Variants in FREM3 observed in about 807,000 individuals in gnomAD.
The protein encoded by FREM3 is FRAS1 related extracellular matrix 3, also known as FRAS1-related extracellular matrix protein 3.
FREM3 carries 105 observed loss-of-function variants against 129.1 expected under a neutral mutation model. The ratio of observed to expected loss-of-function variants is 0.81; its 90% CI spans 0.69 to 0.96. The LOEUF is 0.96. Ranked by LOEUF, FREM3 falls within the 40% of genes least tolerant of loss-of-function variation. The pLI, the probability that FREM3 is intolerant of heterozygous loss-of-function variation, is 0.00. For missense variants in FREM3, 2,593 were observed against 2,666.3 expected, an observed-to-expected ratio of 0.97 and a Z score of 0.61; for synonymous variants, 1,014 against 1,044.9, an observed-to-expected ratio of 0.97 and a Z score of 0.57.
intron 1 of FREM3, among the ~76,000 whole-genome samples, chr4:143,693,769 TA>T (rs929165052): frequency 6.6e-6 from 1 of 152,182 alleles, no homozygotes; most frequent in Non-Finnish European, 1.5e-5. Context: ...ATGCAGCCAT[TA>T]AAAACTAGAT....
chr4:143,584,754 C>A (rs1488143801), intron 7 of FREM3, among the ~76,000 whole-genome samples: 1 of 152,088 alleles, frequency 6.6e-6, no homozygotes, highest in Non-Finnish European at 1.5e-5. Context: ...ATTTGGGACC[C>A]AAATTTGACA....
intron 6 of FREM3, among the ~76,000 whole-genome samples, chr4:143,605,333 A>T (rs994809570): frequency 6.6e-6 from 1 of 152,066 alleles, no homozygotes; most frequent in Non-Finnish European, 1.5e-5. Flanking sequence ...AGAAATAGAT[A>T]TTAAGGCTTT....
chr4:143,627,657 C>T lies in FREM3; in HGVS notation c.5379G>A (p.Val1793=). ...CAAGGTATCCTCTGCGTGTAAGGGT[C>T]ACTTCTAAGAATGTGGAATCTTCAT... ...IVDEDSTFLE[V]TLTRRGYLGE... is the part of the protein sequence containing the mutation. The change falls in exon 3 of 8, where the codon GTG becomes GTA. Residue 1793 remains valine, a synonymous_variant. Transcript: ENST00000329798. 1 of 1,535,906 alleles carries T rather than the reference C, an allele frequency of 6.5e-7. No homozygotes were observed. The highest frequency in any genetic ancestry group is 2.4e-5 in the East Asian group (1 of 40,866).
rs1739326472 is a variant in FREM3 at position 143,641,918 on chromosome 4, G to A, written c.5276-14158C>T. ...ATACCCTTAAGGAAAATAGAACTGG[G>A]TCTGTTAGGCATCATTTTGAATGAT... On this transcript the variant is annotated intron_variant, in intron 2 of 7. Coordinates refer to ENST00000329798, the MANE Select transcript of FREM3 (RefSeq NM_001168235.2). 5.3e-5 allele frequency among the ~76,000 whole-genome samples: 8 copies of A among 152,200 alleles called. 1 individual carries two copies. In the South Asian group the frequency reaches 1.2e-3, roughly 24 times the overall value.
At chr4:143,686,222 G>T (rs758908681) in intron 2 of FREM3, among the ~76,000 whole-genome samples, 3 of 152,124 alleles carry the variant, frequency 2.0e-5, no homozygotes, top group Non-Finnish European at 1.5e-5. Flanking sequence ...CGTTAGAAGC[G>T]ACAAAGAGAG....
intron 2 of FREM3, among the ~76,000 whole-genome samples, chr4:143,643,762 C>T (rs1028854454): frequency 1.3e-5 from 2 of 151,886 alleles, no homozygotes; most frequent in Middle Eastern, 3.2e-3. Flanking sequence ...AGTAGGGTGA[C>T]TCTGGTAAAT....
chr4:143,608,599 T>G (rs1738703777), intron 6 of FREM3, among the ~76,000 whole-genome samples: 1 of 152,224 alleles, frequency 6.6e-6, no homozygotes, highest in Admixed American at 6.5e-5. Context: ...TCTTCATGTT[T>G]GCTTAAAAAT....
intron 2 of FREM3, among the ~76,000 whole-genome samples, chr4:143,689,428 A>G (rs1348700480): frequency 6.6e-6 from 1 of 152,174 alleles, no homozygotes; most frequent in Non-Finnish European, 1.5e-5. Context: ...TCACTTCTAC[A>G]CTGCCGGTGG....
intron 2 of FREM3, among the ~76,000 whole-genome samples, chr4:143,647,612 G>T (rs945772680): frequency 6.6e-6 from 1 of 152,150 alleles, no homozygotes. Flanking sequence ...AACATACAGC[G>T]CAGGCCATTG....
At chr4:143,628,533 A>G (rs1739085503) in intron 2 of FREM3, among the ~76,000 whole-genome samples, 2 of 152,194 alleles carry the variant, frequency 1.3e-5, no homozygotes, top group Non-Finnish European at 2.9e-5. Flanking sequence ...TGATGGGCCA[A>G]TATGATAGAT....
chr4:143,620,567 T>G (rs931360317), intron 5 of FREM3, among the ~76,000 whole-genome samples: 3 of 152,152 alleles, frequency 2.0e-5, no homozygotes, highest in Admixed American at 6.5e-5. Context: ...GAACTCATGG[T>G]TGGGGGGCAT....
intron 2 of FREM3, among the ~76,000 whole-genome samples, chr4:143,654,191 C>T (rs1739558852): frequency 1.3e-5 from 2 of 152,206 alleles, no homozygotes; most frequent in East Asian, 1.9e-4. Flanking sequence ...CAACATGCGC[C>T]TGCTGGGTTC....
intron 2 of FREM3, among the ~76,000 whole-genome samples, chr4:143,635,455 C>A (rs1268603068): frequency 6.6e-6 from 1 of 152,138 alleles, no homozygotes; most frequent in Non-Finnish European, 1.5e-5. Flanking sequence ...GTGATGGTAG[C>A]CCTGTGCATT....
chr4:143,656,284 A>G (rs1204575766), intron 2 of FREM3, among the ~76,000 whole-genome samples: 1 of 152,170 alleles, frequency 6.6e-6, no homozygotes, highest in Non-Finnish European at 1.5e-5. Context: ...TCTAAAAACT[A>G]TCTTTCATTT....
chr4:143,648,801 CG>C (rs1191904431), intron 2 of FREM3, among the ~76,000 whole-genome samples: 4 of 152,150 alleles, frequency 2.6e-5, no homozygotes, highest in Non-Finnish European at 4.4e-5. Context: ...CCTGTTCTCT[CG>C]CGCAGGCTGG....
chr4:143,656,915 G>T (rs1376934701), intron 2 of FREM3, among the ~76,000 whole-genome samples: 3 of 152,016 alleles, frequency 2.0e-5, no homozygotes. Flanking sequence ...AAACTAAGGG[G>T]AAGGCAAAGC....
rs189098435 is a variant in FREM3 at position 143,663,958 on chromosome 4, G to A, written c.5275+29155C>T. On this transcript the variant is annotated intron_variant, in intron 2 of 7. Transcript: ENST00000329798. ...CATCAGCTCCTTTAAGCACTTCTCT[G>A]TATTGGTTATTCTAGTCATACATTC... Among the ~76,000 whole-genome samples the A allele has an allele frequency of 3.1e-3, 479 of 152,144 alleles. 4 individuals are homozygous for A. The highest frequency in any genetic ancestry group is 0.01 in the Middle Eastern group (3 of 294).
In FREM3 at chr4:143,585,785, T is replaced by C. The variant is rs962372309; in HGVS notation, c.6178+59A>G. 2 of 1,497,414 alleles carry C rather than the reference T, an allele frequency of 1.3e-6. No individual in the cohort carries two copies. Among genetic ancestry groups the C allele is most frequent in the Admixed American group, 2.0e-5 (1 of 49,772 alleles). The allele number at this position is 1,497,414 out of a possible 1,614,324, so 92.8% of individuals were successfully genotyped here. A position where few individuals can be genotyped will look rare whatever the true frequency, so the allele number is the denominator to read the frequency against. ...CTAAGCATGCTTACACTTAACAGACTAGACTCCACCATAAACATGTATCAT... is the reference window on the plus strand; with the variant it reads ...CTAAGCATGCTTACACTTAACAGACCAGACTCCACCATAAACATGTATCAT... On this transcript the variant is annotated intron_variant, in intron 7 of 7. Transcript: ENST00000329798. The surrounding 1 kb of genome is among the most constrained non-coding windows in gnomAD (Gnocchi z 4.2).
intron 6 of FREM3, among the ~76,000 whole-genome samples, chr4:143,609,145 G>A (rs967242981): frequency 5.3e-5 from 8 of 152,146 alleles, no homozygotes; most frequent in Admixed American, 3.9e-4. Context: ...GTTACCCAGA[G>A]AGAGTGTGTC....
Sources: allele counts gnomAD v4.1 joint callset (sites outside exome capture counted in the v4.1 genomes callset), GRCh38; gene constraint gnomAD v4.1.1; non-coding constraint Gnocchi (gnomAD v3.1); transcripts MANE v1.5; gene names NCBI Gene and HGNC (gene_info 2026-07-23, HGNC 2026-07-21).